Variants in HNRNPC observed in about 807,000 individuals in gnomAD.
The protein encoded by HNRNPC is heterogeneous nuclear ribonucleoproteins C1/C2.
A neutral mutation model predicts 33.2 loss-of-function variants in HNRNPC; 3 were observed. That is an observed-to-expected ratio of 0.09 (90% confidence interval 0.04 to 0.23). The LOEUF (loss-of-function observed/expected upper bound fraction) is 0.23. Among genes scored for constraint, HNRNPC ranks in the 10% least tolerant of loss-of-function variants. HNRNPC has a pLI of 1.00. For missense variants in HNRNPC, 143 were observed against 366.7 expected, an observed-to-expected ratio of 0.39 and a Z score of 4.98; for synonymous variants, 121 against 126.7, an observed-to-expected ratio of 0.96 and a Z score of 0.30.
At chr14:21,261,411 C>T (rs1053877674) in intron 2 of HNRNPC, among the ~76,000 whole-genome samples, 1 of 152,138 alleles carries the variant, frequency 6.6e-6, no homozygotes, top group African/African-American at 2.4e-5. Flanking sequence ...AAAACTTGCA[C>T]TTATTTAAAA....
intron 2 of HNRNPC, among the ~76,000 whole-genome samples, chr14:21,247,939 C>T (rs950806222): frequency 6.6e-6 from 1 of 151,542 alleles, no homozygotes; most frequent in Non-Finnish European, 1.5e-5. Flanking sequence ...TGCAGTGAGC[C>T]GAGATCACGC....
rs766845425 is a variant in HNRNPC at position 21,269,398 on chromosome 14, C to A, written c.-163G>T. 23 of 154,714 alleles carry A rather than the reference C, an allele frequency of 1.5e-4. No individual in the cohort carries two copies. The highest frequency in any genetic ancestry group is 2.9e-4 in the Non-Finnish European group (20 of 69,362). 9.6% of individuals were successfully genotyped at this position (154,714 alleles called of 1,614,324 possible). A position where few individuals can be genotyped will look rare whatever the true frequency, so the allele number is the denominator to read the frequency against. On this transcript the variant is annotated 5_prime_UTR_variant, in exon 1 of 9. Coordinates refer to ENST00000553300, the MANE Select transcript of HNRNPC (RefSeq NM_004500.4). ...TGGAGGTCGGCAACGCGGCCACAAC[C>A]GCTCAGTCTTCGTCTCTTCACAAAA...
At position 21,210,010 on chromosome 14, in the gene HNRNPC, A is replaced by C. The variant is rs1891447740; in HGVS notation, c.*1213T>G. 6.6e-6 allele frequency: 1 copy of C among 152,236 alleles called. No individual in the cohort carries two copies. The highest frequency in any genetic ancestry group is 2.1e-4 in the South Asian group (1 of 4,838). 9.4% of individuals were successfully genotyped at this position (152,236 alleles called of 1,614,324 possible). A position where few individuals can be genotyped will look rare whatever the true frequency, so the allele number is the denominator to read the frequency against. ...AATGTGTAACATTCTCTATGTTCTC[A>C]ATCACCTGGGAAGGCAGTCTATGGA... On this transcript the variant is annotated 3_prime_UTR_variant, in exon 9 of 9. Transcript: ENST00000553300.
At chr14:21,225,623 C>G (rs922272835) in intron 5 of HNRNPC, among the ~76,000 whole-genome samples, 2 of 152,060 alleles carry the variant, frequency 1.3e-5, no homozygotes, top group African/African-American at 4.8e-5. Context: ...TCATCTATGT[C>G]TCTAACTGGC....
chr14:21,227,556 A>C (rs1236067354), intron 5 of HNRNPC, among the ~76,000 whole-genome samples: 1 of 152,236 alleles, frequency 6.6e-6, no homozygotes, highest in East Asian at 1.9e-4. Flanking sequence ...AAATGTCAAA[A>C]ACGGAATTAC....
At position 21,268,707 on chromosome 14, in the gene HNRNPC, A is replaced by T. The variant is rs571270618; in HGVS notation, c.-63+591T>A. The T allele has an allele frequency of 3.3e-5, 5 of 152,376 alleles. No individual in the cohort carries two copies. The East Asian group carries it at 7.7e-4, about 23-fold the overall frequency. 9.4% of individuals were successfully genotyped at this position (152,376 alleles called of 1,614,324 possible). ...GTCAGCTGTAAATATTAATATAGTTATATCACAATATTTCCTTTTACAAAT... is the reference window on the plus strand; with the variant it reads ...GTCAGCTGTAAATATTAATATAGTTTTATCACAATATTTCCTTTTACAAAT... On this transcript the variant is annotated intron_variant, in intron 1 of 8. Coordinates refer to ENST00000553300, the MANE Select transcript of HNRNPC (RefSeq NM_004500.4).
intron 2 of HNRNPC, among the ~76,000 whole-genome samples, chr14:21,244,821 A>G (rs539720041): frequency 3.2e-4 from 49 of 152,272 alleles, no homozygotes; most frequent in African/African-American, 1.0e-3. Context: ...ACTGAACACT[A>G]TAAGAAGTTC....
At chr14:21,250,592 C>G (rs1179937149) in intron 2 of HNRNPC, among the ~76,000 whole-genome samples, 3 of 151,796 alleles carry the variant, frequency 2.0e-5, no homozygotes, top group Non-Finnish European at 4.4e-5. Flanking sequence ...GCATATGTAT[C>G]TCCAGCCTGC....
At chr14:21,255,773 ATATCTCT>A (rs1481706152) in intron 2 of HNRNPC, among the ~76,000 whole-genome samples, 4 of 152,236 alleles carry the variant, frequency 2.6e-5, no homozygotes, top group Non-Finnish European at 4.4e-5. Flanking sequence ...ATTTCTGGAC[ATATCTCT>A]TATGTCTTTA....
At chr14:21,223,803 A>G (rs1893118583) in intron 5 of HNRNPC, among the ~76,000 whole-genome samples, 1 of 152,128 alleles carries the variant, frequency 6.6e-6, no homozygotes, top group Admixed American at 6.5e-5. Context: ...AAAAGTGTAT[A>G]CTAATCTATG....
chr14:21,216,678 C>T (rs1248991862), intron 5 of HNRNPC, among the ~76,000 whole-genome samples: 5 of 152,118 alleles, frequency 3.3e-5, no homozygotes, highest in African/African-American at 9.7e-5. Flanking sequence ...CACTGCACTC[C>T]GGCATGGATC....
intron 5 of HNRNPC, among the ~76,000 whole-genome samples, chr14:21,221,386 T>C (rs928807776): frequency 3.9e-5 from 6 of 152,228 alleles, no homozygotes; most frequent in Admixed American, 2.6e-4. Flanking sequence ...CTATAGTCAC[T>C]AGTCACATGT....
At chr14:21,236,632 G>C (rs1894723983) in intron 2 of HNRNPC, among the ~76,000 whole-genome samples, 2 of 152,180 alleles carry the variant, frequency 1.3e-5, no homozygotes, top group African/African-American at 4.8e-5. Context: ...TTATGGAAGA[G>C]GTACATTTCC....
At chr14:21,244,699 CG>C (rs1317182701) in intron 2 of HNRNPC, among the ~76,000 whole-genome samples, 1 of 152,164 alleles carries the variant, frequency 6.6e-6, no homozygotes, top group Non-Finnish European at 1.5e-5. Context: ...GTGTTAATGT[CG>C]TAAGAGTGTA....
At chr14:21,241,698 CCT>C (rs1895363901) in intron 2 of HNRNPC, among the ~76,000 whole-genome samples, 1 of 152,190 alleles carries the variant, frequency 6.6e-6, no homozygotes, top group African/African-American at 2.4e-5. Flanking sequence ...TTCCCTCTGG[CCT>C]CTTCAGAGGC....
intron 3 of HNRNPC, among the ~76,000 whole-genome samples, chr14:21,233,155 T>A (rs1014220707): frequency 6.6e-6 from 1 of 152,158 alleles, no homozygotes; most frequent in African/African-American, 2.4e-5. Flanking sequence ...ATATAAAGTG[T>A]TTCAAAACTA....
At chr14:21,240,545 T>A (rs997315718) in intron 2 of HNRNPC, among the ~76,000 whole-genome samples, 3 of 152,160 alleles carry the variant, frequency 2.0e-5, no homozygotes, top group Admixed American at 2.0e-4. Flanking sequence ...AAACAGGTTG[T>A]GAGAGCCCTG....
intron 5 of HNRNPC, 80 bp downstream of exon 5, chr14:21,230,239 G>A (rs1395633748): frequency 1.1e-5 from 11 of 978,982 alleles, no homozygotes; most frequent in Admixed American, 8.8e-5. Flanking sequence ...CATCTTTGAT[G>A]TTCATCACCA....
At chr14:21,252,138 C>T (rs1896742686) in intron 2 of HNRNPC, among the ~76,000 whole-genome samples, 1 of 152,148 alleles carries the variant, frequency 6.6e-6, no homozygotes, top group African/African-American at 2.4e-5. Flanking sequence ...AATTTCAAAA[C>T]CTACCTTTAG....
Sources: gnomAD v4.1 joint callset for allele counts (sites outside exome capture counted in the v4.1 genomes callset) on GRCh38, gnomAD v4.1.1 for gene constraint, MANE v1.5 for transcripts, NCBI Gene and HGNC (gene_info 2026-07-23, HGNC 2026-07-21) for gene names.